GRM5: variants seen among roughly 807,000 people sequenced by gnomAD.
The protein encoded by GRM5 is metabotropic glutamate receptor 5.
A neutral mutation model predicts 83.1 loss-of-function variants in GRM5; 19 were observed. That is an observed-to-expected ratio of 0.23 (90% confidence interval 0.16 to 0.34). GRM5 has a LOEUF of 0.34. Among genes scored for constraint, GRM5 ranks in the 10% least tolerant of loss-of-function variants. GRM5 has a pLI of 1.00. For missense variants in GRM5, 1,160 were observed against 1,588.3 expected, an observed-to-expected ratio of 0.73 and a Z score of 4.58; for synonymous variants, 675 against 633.6, an observed-to-expected ratio of 1.07 and a Z score of -0.98.
intron 3 of GRM5, among the ~76,000 whole-genome samples, chr11:88,849,323 G>C (rs1206716733): frequency 1.3e-5 from 2 of 152,146 alleles, no homozygotes; most frequent in Non-Finnish European, 2.9e-5. Flanking sequence ...AACAGGGAAT[G>C]TGCTGAGTTG....
At chr11:88,677,290 T>C (rs538548161) in intron 3 of GRM5, among the ~76,000 whole-genome samples, 3 of 152,194 alleles carry the variant, frequency 2.0e-5, no homozygotes, top group South Asian at 4.1e-4. Context: ...CTGTAGTAAA[T>C]TCATATTTTA....
chr11:88,913,939 C>T (rs1357064193), intron 2 of GRM5, among the ~76,000 whole-genome samples: 1 of 152,080 alleles, frequency 6.6e-6, no homozygotes, highest in East Asian at 1.9e-4. Context: ...TTCCTTCAGC[C>T]CTAGTGGGTA....
At chr11:88,799,432 T>C (rs1943346711) in intron 3 of GRM5, among the ~76,000 whole-genome samples, 1 of 152,158 alleles carries the variant, frequency 6.6e-6, no homozygotes, top group Non-Finnish European at 1.5e-5. Context: ...ATTAGGCACA[T>C]TATTATACAT....
At chr11:88,510,856 A>G (rs2135077381) in intron 9 of GRM5, among the ~76,000 whole-genome samples, 1 of 152,348 alleles carries the variant, frequency 6.6e-6, no homozygotes, top group Admixed American at 6.5e-5. Flanking sequence ...GTTTCCCATC[A>G]CAAAGTAATC....
intron 4 of GRM5, among the ~76,000 whole-genome samples, chr11:88,649,261 ATATATAT>A (rs1161605834): frequency 5.2e-5 from 4 of 77,598 alleles, no homozygotes; most frequent in Non-Finnish European, 7.5e-5. Context: ...TATGTATTAC[ATATATAT>A]TATATATTAT....
chr11:88,832,280 G>T (rs892625429), intron 3 of GRM5, among the ~76,000 whole-genome samples: 1 of 151,980 alleles, frequency 6.6e-6, no homozygotes, highest in African/African-American at 2.4e-5. Flanking sequence ...AAAGTTGCAG[G>T]ATGCAAAATT....
At chr11:88,712,339 C>T (rs948810429) in intron 3 of GRM5, among the ~76,000 whole-genome samples, 14 of 151,984 alleles carry the variant, frequency 9.2e-5, no homozygotes, top group African/African-American at 3.1e-4. Context: ...TGATCTATAT[C>T]TTGTAGGAGC....
intron 2 of GRM5, among the ~76,000 whole-genome samples, chr11:88,886,770 A>G (rs1006663590): frequency 2.0e-5 from 3 of 152,172 alleles, no homozygotes; most frequent in African/African-American, 4.8e-5. Flanking sequence ...TGCGATCATC[A>G]TATCTATTTC....
chr11:88,650,085 T>C (rs1424942280), intron 4 of GRM5, among the ~76,000 whole-genome samples: 1 of 151,886 alleles, frequency 6.6e-6, no homozygotes, highest in African/African-American at 2.4e-5. Context: ...CAGTTGGTAA[T>C]TTCTGTTGAA....
At chr11:88,761,788 A>G (rs955772436) in intron 3 of GRM5, among the ~76,000 whole-genome samples, 29 of 152,224 alleles carry the variant, frequency 1.9e-4, no homozygotes, top group African/African-American at 6.7e-4. Context: ...ACATCACACT[A>G]CCTGACTTCC....
chr11:89,022,030 G>T (rs1940997536), intron 2 of GRM5, among the ~76,000 whole-genome samples: 1 of 152,120 alleles, frequency 6.6e-6, no homozygotes, highest in Non-Finnish European at 1.5e-5. Context: ...ACAGAGTTTT[G>T]TGATAGATCA....
chr11:88,735,162 T>A (rs1353643837), intron 3 of GRM5, among the ~76,000 whole-genome samples: 2 of 152,002 alleles, frequency 1.3e-5, no homozygotes, highest in Non-Finnish European at 2.9e-5. Context: ...TTTAGTTTTA[T>A]TTTTTTAAAT....
intron 3 of GRM5, among the ~76,000 whole-genome samples, chr11:88,672,179 TAA>T (rs113227715): frequency 0.012 from 1,883 of 152,100 alleles, 42 homozygotes; most frequent in African/African-American, 0.042. Flanking sequence ...TAGCTAACAT[TAA>T]GTTATATTAT....
intron 2 of GRM5, among the ~76,000 whole-genome samples, chr11:88,935,510 C>T (rs1275249602): frequency 6.6e-6 from 1 of 151,772 alleles, no homozygotes; most frequent in African/African-American, 2.4e-5. Context: ...AAAGGTAGTG[C>T]CCTAGTTAAT....
chr11:88,785,644 G>A (rs1300017077), intron 3 of GRM5, among the ~76,000 whole-genome samples: 2 of 152,050 alleles, frequency 1.3e-5, no homozygotes, highest in African/African-American at 2.4e-5. Context: ...AAAGCATTCA[G>A]TTCTTTGGCC....
chr11:88,712,558 A>T (rs1411185848), intron 3 of GRM5, among the ~76,000 whole-genome samples: 1 of 152,042 alleles, frequency 6.6e-6, no homozygotes, highest in Non-Finnish European at 1.5e-5. Flanking sequence ...TCTTACTTGC[A>T]TGGAAATAAG....
chr11:88,839,943 C>T (rs1944166899), intron 3 of GRM5, among the ~76,000 whole-genome samples: 2 of 152,116 alleles, frequency 1.3e-5, no homozygotes, highest in South Asian at 2.1e-4. Context: ...TATATATTTA[C>T]TATTCATTAA....
chr11:88,975,394 A>C (rs2042971188), intron 2 of GRM5, among the ~76,000 whole-genome samples: 1 of 152,156 alleles, frequency 6.6e-6, no homozygotes, highest in African/African-American at 2.4e-5. Flanking sequence ...ATTATCTTGA[A>C]GTCTTGTTAA....
intron 3 of GRM5, among the ~76,000 whole-genome samples, chr11:88,761,579 C>T (rs908341136): frequency 1.3e-5 from 2 of 152,036 alleles, no homozygotes; most frequent in African/African-American, 4.8e-5. Context: ...AAAATCATTC[C>T]ATGTTGATGA....
Sources: gnomAD v4.1 joint callset for allele counts (sites outside exome capture counted in the v4.1 genomes callset) on GRCh38, gnomAD v4.1.1 for gene constraint, MANE v1.5 for transcripts, NCBI Gene and HGNC (gene_info 2026-07-23, HGNC 2026-07-21) for gene names.